Variants in TMEM108 observed in about 807,000 individuals in gnomAD.
TMEM108 encodes the protein transmembrane protein 108, also known as cancer/testis antigen 124.
Under a neutral mutation model 35.1 loss-of-function variants are expected in TMEM108, and 12 were observed. The observed-to-expected ratio is 0.34, with a 90% CI of 0.22 to 0.55. The LOEUF is 0.55. TMEM108 is among the 20% of genes least tolerant of loss of function. The probability of loss-of-function intolerance (pLI) is 0.89; values close to 1 mark genes in which losing one functional copy is unlikely to be tolerated. For missense variants in TMEM108, 680 were observed against 753.3 expected, an observed-to-expected ratio of 0.90 and a Z score of 1.14; for synonymous variants, 287 against 308.6, an observed-to-expected ratio of 0.93 and a Z score of 0.73.
At chr3:133,114,619 CTTTAT>C (rs556857335) in intron 2 of TMEM108, among the ~76,000 whole-genome samples, 1 of 151,936 alleles carries the variant, frequency 6.6e-6, no homozygotes, top group African/African-American at 2.4e-5. Context: ...TGCCTCCTGC[CTTTAT>C]TTTATTTTAT....
At chr3:133,320,353 GGAAAT>G (rs1414325832) in intron 3 of TMEM108, among the ~76,000 whole-genome samples, 3 of 151,628 alleles carry the variant, frequency 2.0e-5, no homozygotes, top group Admixed American at 1.3e-4. Flanking sequence ...CACAACTTCT[GGAAAT>G]GAAAGACACA....
chr3:133,149,730 A>G (rs1361136491), intron 2 of TMEM108, among the ~76,000 whole-genome samples: 1 of 152,174 alleles, frequency 6.6e-6, no homozygotes, highest in Non-Finnish European at 1.5e-5. Flanking sequence ...AGATACACAT[A>G]CATAAGGGAA....
At chr3:133,074,359 G>A (rs1031793432) in intron 2 of TMEM108, 1 of 152,148 alleles carries the variant, frequency 6.6e-6, no homozygotes, top group African/African-American at 2.4e-5. Flanking sequence ...TAAACACAAT[G>A]TAAGTTAAAA....
chr3:133,113,212 G>A (rs1048333500), intron 2 of TMEM108, among the ~76,000 whole-genome samples: 2 of 146,692 alleles, frequency 1.4e-5, no homozygotes, highest in Admixed American at 1.3e-4. Flanking sequence ...TTAGGTATCC[G>A]ATAGGTGTTA....
chr3:133,353,023 C>T (rs1291169046), intron 3 of TMEM108, among the ~76,000 whole-genome samples: 2 of 152,144 alleles, frequency 1.3e-5, no homozygotes, highest in African/African-American at 4.8e-5. Flanking sequence ...ATCTCATTAG[C>T]ATACAAAAAG....
intron 3 of TMEM108, chr3:133,246,131 C>A (rs1252052863): frequency 6.6e-6 from 1 of 152,178 alleles, no homozygotes; most frequent in Non-Finnish European, 1.5e-5. Flanking sequence ...TTAGCTATCA[C>A]CTTTTAAATT....
chr3:133,241,052 G>T (rs1946305790), intron 3 of TMEM108, among the ~76,000 whole-genome samples: 1 of 147,106 alleles, frequency 6.8e-6, no homozygotes, highest in Non-Finnish European at 1.5e-5. Context: ...TTAACCAACA[G>T]AGAACTGTCG....
At chr3:133,375,986 A>G (rs983813603) in intron 3 of TMEM108, among the ~76,000 whole-genome samples, 3 of 152,234 alleles carry the variant, frequency 2.0e-5, no homozygotes, top group African/African-American at 7.2e-5. Context: ...TGTGCCAAAG[A>G]TGATGTACTC....
At chr3:133,372,921 C>T (rs979761906) in intron 3 of TMEM108, among the ~76,000 whole-genome samples, 4 of 152,142 alleles carry the variant, frequency 2.6e-5, no homozygotes, top group African/African-American at 9.7e-5. Context: ...GATCAATCAC[C>T]CAGCTCACCC....
intron 2 of TMEM108, among the ~76,000 whole-genome samples, chr3:133,217,374 A>G (rs542480506): frequency 6.6e-6 from 1 of 151,964 alleles, no homozygotes; most frequent in South Asian, 2.1e-4. Flanking sequence ...CATTCCATAG[A>G]TTGTCTCATA....
rs139932137 is a variant in TMEM108 at position 133,264,789 on chromosome 3, A to G, written c.40+35438A>G. 1.4e-4 allele frequency among the ~76,000 whole-genome samples: 21 copies of G among 152,324 alleles called. No homozygotes were observed. In the East Asian group the frequency reaches 3.5e-3, roughly 25 times the overall value. ...AAGCAGTGATGAAGTTACCTACCCT[A>G]TAGGCTTACTGAAGGGACCAAATGA... On this transcript the variant is annotated intron_variant, in intron 3 of 5. Transcript: ENST00000321871.
chr3:133,304,010 A>G (rs1947266948), intron 3 of TMEM108, among the ~76,000 whole-genome samples: 1 of 152,196 alleles, frequency 6.6e-6, no homozygotes, highest in South Asian at 2.1e-4. Context: ...TCCAGCTTCA[A>G]CCCATAGTAA....
rs144190355 is a variant in TMEM108 at position 133,389,232 on chromosome 3, G to A, written c.1451-948G>A. The stretch of plus-strand genomic sequence containing the variant: ...TCACACATGGTTAATCAACAATATC[G>A]AGACATAATTCTTCCTCCTGGGCCC... On this transcript the variant is annotated intron_variant, in intron 4 of 5. Transcript: ENST00000321871. 1.6e-3 allele frequency: 1,616 copies of A among 985,454 alleles called. 3 individuals carry two copies. The highest frequency in any genetic ancestry group is 2.5e-3 in the Admixed American group (40 of 16,292). The allele number at this position is 985,454 out of a possible 1,614,324, so 61.0% of individuals were successfully genotyped here. A position where few individuals can be genotyped will look rare whatever the true frequency, so the allele number is the denominator to read the frequency against.
chr3:133,388,503 A>G, intron 4 of TMEM108: 1 of 985,300 alleles, frequency 1.0e-6, no homozygotes, highest in Non-Finnish European at 1.2e-6. Flanking sequence ...GGAAAGAGGA[A>G]AGAGATCCAC....
At chr3:133,145,879 G>T (rs532304767) in intron 2 of TMEM108, among the ~76,000 whole-genome samples, 2 of 152,308 alleles carry the variant, frequency 1.3e-5, no homozygotes, top group South Asian at 4.1e-4. Flanking sequence ...AGACGATGGG[G>T]TTTTCTAAAT....
At chr3:133,344,870 C>A (rs1209521622) in intron 3 of TMEM108, among the ~76,000 whole-genome samples, 4 of 151,678 alleles carry the variant, frequency 2.6e-5, no homozygotes, top group Non-Finnish European at 4.4e-5. Flanking sequence ...GGAAAAAAAT[C>A]AACCAAAATT....
At chr3:133,095,953 C>T (rs1030954855) in intron 2 of TMEM108, among the ~76,000 whole-genome samples, 5 of 152,160 alleles carry the variant, frequency 3.3e-5, no homozygotes, top group Non-Finnish European at 5.9e-5. Flanking sequence ...TTTGTTGCCT[C>T]GCAAATATTC....
At chr3:133,068,592 GA>G (rs1943639131) in intron 2 of TMEM108, among the ~76,000 whole-genome samples, 1 of 152,166 alleles carries the variant, frequency 6.6e-6, no homozygotes, top group Admixed American at 6.6e-5. Flanking sequence ...ATAGGAAAGG[GA>G]GAATGATATG....
At chr3:133,107,755 T>G (rs1456449287) in intron 2 of TMEM108, among the ~76,000 whole-genome samples, 1 of 152,176 alleles carries the variant, frequency 6.6e-6, no homozygotes, top group Non-Finnish European at 1.5e-5. Context: ...CTTTACCTGA[T>G]CCTGGTCACT....
Sources: gnomAD v4.1 joint callset for allele counts (sites outside exome capture counted in the v4.1 genomes callset) on GRCh38, gnomAD v4.1.1 for gene constraint, MANE v1.5 for transcripts, NCBI Gene and HGNC (gene_info 2026-07-23, HGNC 2026-07-21) for gene names.